Variants in COL5A2 observed in about 807,000 individuals in gnomAD.
COL5A2 encodes the protein collagen type V alpha 2 chain, also known as collagen alpha-2(V) chain.
COL5A2 carries 23 observed loss-of-function variants against 208.2 expected under a neutral mutation model. The observed-to-expected ratio is 0.11, with a 90% CI of 0.08 to 0.16. The LOEUF (loss-of-function observed/expected upper bound fraction) is 0.16, where lower values mean the gene tolerates loss of function less well. Ranked by LOEUF, COL5A2 falls within the 10% of genes least tolerant of loss-of-function variation. COL5A2 has a pLI of 1.00. For missense variants in COL5A2, 1,590 were observed against 1,956.4 expected (o/e 0.81, Z 3.53); for synonymous variants, 625 against 628.5 (o/e 0.99, Z 0.08).
upstream of COL5A2, among the ~76,000 whole-genome samples, chr2:189,183,520 C>T (rs989750665): frequency 5.3e-5 from 8 of 152,144 alleles, no homozygotes; most frequent in African/African-American, 1.9e-4. Context: ...CTCAATTAAA[C>T]ATCTCCCACT....
At chr2:189,102,625 G>A (rs1687068776) in intron 3 of COL5A2, among the ~76,000 whole-genome samples, 1 of 151,974 alleles carries the variant, frequency 6.6e-6, no homozygotes, top group South Asian at 2.1e-4. Context: ...ATACCATGTG[G>A]ACATGCTTTG....
chr2:189,335,820 T>G, the COL5A2 span, among the ~76,000 whole-genome samples: 1 of 152,100 alleles, frequency 6.6e-6, no homozygotes, highest in Non-Finnish European at 1.5e-5. Flanking sequence ...ATGAAAATGT[T>G]TAGAATTACA....
chr2:189,423,341 G>GA, the COL5A2 span, among the ~76,000 whole-genome samples: 1 of 150,688 alleles, frequency 6.6e-6, no homozygotes. Context: ...AAAAAAATAG[G>GA]AAAAAATTAA....
the COL5A2 span, among the ~76,000 whole-genome samples, chr2:189,231,890 C>G: frequency 6.6e-6 from 1 of 151,636 alleles, no homozygotes; most frequent in Non-Finnish European, 1.5e-5. Flanking sequence ...TCAGATCTTC[C>G]TGGGAAAGCT....
chr2:189,054,939 A>G (rs962376225), intron 35 of COL5A2, among the ~76,000 whole-genome samples: 4 of 150,928 alleles, frequency 2.7e-5, no homozygotes, highest in African/African-American at 9.8e-5. Flanking sequence ...GCTGGAGTGC[A>G]GTGGCACCAT....
chr2:189,379,375 T>G, the COL5A2 span, among the ~76,000 whole-genome samples: 1 of 152,300 alleles, frequency 6.6e-6, no homozygotes, highest in East Asian at 1.9e-4. Flanking sequence ...AAAGTATACT[T>G]AACTGCTGAG....
At chr2:189,400,297 G>T in the COL5A2 span, among the ~76,000 whole-genome samples, 1 of 151,966 alleles carries the variant, frequency 6.6e-6, no homozygotes, top group South Asian at 2.1e-4. Context: ...TCTTCTTCTG[G>T]AACTTCAACT....
intron 1 of COL5A2, among the ~76,000 whole-genome samples, chr2:189,219,965 C>T (rs1576589541): frequency 1.3e-5 from 2 of 152,132 alleles, no homozygotes; most frequent in Non-Finnish European, 2.9e-5. Flanking sequence ...AAGGGGTCCA[C>T]ATTTTCATTG....
intron 1 of COL5A2, among the ~76,000 whole-genome samples, chr2:189,177,237 G>A (rs1156362294): frequency 6.6e-6 from 1 of 152,116 alleles, no homozygotes. Flanking sequence ...AAATGTACTT[G>A]CTTTTCATGT....
chr2:189,134,940 A>C (rs1037512787), intron 1 of COL5A2, among the ~76,000 whole-genome samples: 2 of 150,674 alleles, frequency 1.3e-5, no homozygotes, highest in African/African-American at 4.8e-5. Context: ...ATTAGTACAG[A>C]CTGAGAAGTT....
chr2:189,222,907 A>G (rs572105136), intron 1 of COL5A2, among the ~76,000 whole-genome samples: 1 of 152,310 alleles, frequency 6.6e-6, no homozygotes, highest in African/African-American at 2.4e-5. Context: ...CCTGAAAGCT[A>G]CTTCATATGA....
the COL5A2 span, among the ~76,000 whole-genome samples, chr2:189,433,767 G>A: frequency 6.6e-6 from 1 of 152,110 alleles, no homozygotes; most frequent in African/African-American, 2.4e-5. Context: ...GGAGGAACTG[G>A]TACCATTCCT....
chr2:189,110,176 TA>T, intron 2 of COL5A2, 48 bp downstream of exon 2: 1 of 1,307,564 alleles, frequency 7.6e-7, no homozygotes, highest in Non-Finnish European at 1.1e-6. Flanking sequence ...ACTGCAACTA[TA>T]AAGGTGAGTA....
intron 1 of COL5A2, among the ~76,000 whole-genome samples, chr2:189,154,526 T>A (rs1055634234): frequency 2.0e-5 from 3 of 152,198 alleles, no homozygotes; most frequent in Non-Finnish European, 4.4e-5. Flanking sequence ...CATAGCAGAA[T>A]CTTGCTGGTT....
At chr2:189,384,104 T>C in the COL5A2 span, among the ~76,000 whole-genome samples, 1 of 152,310 alleles carries the variant, frequency 6.6e-6, no homozygotes, top group Non-Finnish European at 1.5e-5. Context: ...TTTATATGGC[T>C]GAATAATATT....
At position 189,045,823 on chromosome 2, in the gene COL5A2, C is replaced by G. The variant is rs1308079246; in HGVS notation, c.3286G>C (p.Asp1096His). ...GTPGPVGAPG[D>H]AGQRGDPGSR... ...ACCGGATCTCCTCTTTGTCCTGCAT[C>G]TCCTGGAGCACCCACAGGGCCAGGA... is the stretch of plus-strand genomic sequence containing the variant. The change falls in exon 46 of 54, where the codon GAT becomes CAT. Residue 1096 changes from aspartate to histidine, a missense_variant. Transcript: ENST00000374866. 1.2e-6 allele frequency: 2 copies of G among 1,614,134 alleles called. No individual in the cohort carries two copies. The highest frequency in any genetic ancestry group is 1.1e-5 in the South Asian group (1 of 91,086).
chr2:189,174,599 G>T (rs1688642171), intron 1 of COL5A2, among the ~76,000 whole-genome samples: 1 of 152,166 alleles, frequency 6.6e-6, no homozygotes, highest in South Asian at 2.1e-4. Context: ...AGAGTCAACT[G>T]GAGAGCTCTA....
At chr2:189,292,770 A>T in the COL5A2 span, among the ~76,000 whole-genome samples, 1 of 152,142 alleles carries the variant, frequency 6.6e-6, no homozygotes, top group African/African-American at 2.4e-5. Context: ...ACCCAAAGGA[A>T]TATAAATCAT....
At chr2:189,419,758 T>A in the COL5A2 span, among the ~76,000 whole-genome samples, 1 of 150,936 alleles carries the variant, frequency 6.6e-6, no homozygotes, top group African/African-American at 2.4e-5. Context: ...ATCCTACCAC[T>A]GCACTTCAGC....
Sources: allele counts gnomAD v4.1 joint callset (sites outside exome capture counted in the v4.1 genomes callset), GRCh38; gene constraint gnomAD v4.1.1; transcripts MANE v1.5; gene names NCBI Gene and HGNC (gene_info 2026-07-23, HGNC 2026-07-21).